PPM1H: variants seen among roughly 807,000 people sequenced by gnomAD.
PPM1H encodes protein phosphatase 1H.
Under a neutral mutation model 54.9 loss-of-function variants are expected in PPM1H, and 27 were observed. That is an observed-to-expected ratio of 0.49 (90% CI 0.36 to 0.68). The LOEUF is 0.68. Ranked by LOEUF, PPM1H falls within the 30% of genes least tolerant of loss-of-function variation. The pLI is 0.00. For synonymous variants in PPM1H, 305 were observed against 270.8 expected (o/e 1.13, Z -1.24); for missense variants, 596 against 667.8 (o/e 0.89, Z 1.19).
chr12:62,892,547 C>T (rs1870835989), intron 1 of PPM1H, among the ~76,000 whole-genome samples: 1 of 152,146 alleles, frequency 6.6e-6, no homozygotes, highest in South Asian at 2.1e-4. Context: ...CATCCTGTTG[C>T]TCTACTTCTA....
At chr12:62,843,424 A>C (rs1365900840) in intron 1 of PPM1H, among the ~76,000 whole-genome samples, 2 of 152,200 alleles carry the variant, frequency 1.3e-5, no homozygotes, top group African/African-American at 4.8e-5. Context: ...TCCTCATTTT[A>C]TTGGCCAAAT....
intron 6 of PPM1H, among the ~76,000 whole-genome samples, chr12:62,708,116 C>G (rs1004868844): frequency 2.0e-5 from 3 of 152,230 alleles, no homozygotes; most frequent in African/African-American, 7.2e-5. Context: ...TTCTGAAACA[C>G]CGCTGGCATC....
chr12:62,787,775 G>T (rs2076681546), intron 4 of PPM1H, among the ~76,000 whole-genome samples: 1 of 152,238 alleles, frequency 6.6e-6, no homozygotes. Context: ...ACCCGGACGT[G>T]AGGCAACTGC....
chr12:62,824,324 C>T (rs1445929645), intron 2 of PPM1H, among the ~76,000 whole-genome samples: 2 of 152,180 alleles, frequency 1.3e-5, no homozygotes, highest in Admixed American at 6.5e-5. Context: ...GGCCATACTG[C>T]CCAAAGTAAT....
At chr12:62,848,388 C>T (rs1427195920) in intron 1 of PPM1H, among the ~76,000 whole-genome samples, 1 of 152,072 alleles carries the variant, frequency 6.6e-6, no homozygotes, top group Non-Finnish European at 1.5e-5. Flanking sequence ...TTTATTAAAC[C>T]ACAACTTAAT....
chr12:62,821,088 G>A (rs7397483), intron 2 of PPM1H, among the ~76,000 whole-genome samples: 10,502 of 152,200 alleles, frequency 0.069, 462 homozygotes, highest in African/African-American at 0.12. Context: ...TGACCTGATG[G>A]AGCTGAAAAC....
chr12:62,845,067 T>C (rs1008794446), intron 1 of PPM1H, among the ~76,000 whole-genome samples: 2 of 152,222 alleles, frequency 1.3e-5, no homozygotes, highest in African/African-American at 4.8e-5. Flanking sequence ...TCTCACCCTA[T>C]TAACAGTTAG....
intron 9 of PPM1H, among the ~76,000 whole-genome samples, chr12:62,656,210 C>T (rs1372913106): frequency 1.3e-5 from 2 of 152,144 alleles, no homozygotes; most frequent in African/African-American, 4.8e-5. Context: ...CGTGGCTTGC[C>T]CAGGTTCCAA....
intron 8 of PPM1H, among the ~76,000 whole-genome samples, chr12:62,669,484 T>G (rs888801677): frequency 2.6e-4 from 39 of 152,072 alleles, no homozygotes; most frequent in Non-Finnish European, 4.9e-4. Flanking sequence ...GGGCCCCGAG[T>G]AGCAAGGCCA....
intron 3 of PPM1H, among the ~76,000 whole-genome samples, chr12:62,796,466 G>A (rs964602672): frequency 7.9e-5 from 12 of 152,338 alleles, no homozygotes; most frequent in African/African-American, 2.9e-4. Context: ...ATTTGCTAGA[G>A]TGGCTCACAG....
At chr12:62,910,804 A>G (rs772557) in intron 1 of PPM1H, among the ~76,000 whole-genome samples, 49,615 of 152,118 alleles carry the variant, frequency 0.33, 9,680 homozygotes, top group Non-Finnish European at 0.45. Context: ...AGACCAAGCC[A>G]TTGGAGCACC....
chr12:62,677,393 T>C (rs1320446240), intron 8 of PPM1H, among the ~76,000 whole-genome samples: 1 of 152,166 alleles, frequency 6.6e-6, no homozygotes, highest in Non-Finnish European at 1.5e-5. Flanking sequence ...GAAAGAGCCA[T>C]GGCCCTTTGG....
intron 1 of PPM1H, among the ~76,000 whole-genome samples, chr12:62,843,665 T>C (rs975159900): frequency 6.6e-6 from 1 of 152,264 alleles, no homozygotes; most frequent in Non-Finnish European, 1.5e-5. Flanking sequence ...AGCACAGTAT[T>C]ACTGCAAATG....
chr12:62,774,913 A>G (rs752148639), intron 4 of PPM1H, among the ~76,000 whole-genome samples: 1 of 152,184 alleles, frequency 6.6e-6, no homozygotes, highest in Non-Finnish European at 1.5e-5. Context: ...GCCGCCGGCT[A>G]TCTGTGGGAA....
intron 1 of PPM1H, among the ~76,000 whole-genome samples, chr12:62,906,542 C>T (rs1183475034): frequency 2.0e-5 from 3 of 152,154 alleles, no homozygotes; most frequent in Non-Finnish European, 2.9e-5. Context: ...CAAATAGTAG[C>T]AGGTGCTTCT....
intron 1 of PPM1H, among the ~76,000 whole-genome samples, chr12:62,853,060 C>T (rs1024324907): frequency 1.3e-5 from 2 of 151,610 alleles, no homozygotes; most frequent in African/African-American, 4.8e-5. Flanking sequence ...ATAAAAAGGC[C>T]ATAAAAAGAC....
At chr12:62,691,833 G>A (rs533446914) in intron 7 of PPM1H, among the ~76,000 whole-genome samples, 1 of 149,204 alleles carries the variant, frequency 6.7e-6, no homozygotes, top group East Asian at 2.0e-4. Context: ...AAAAAGTGAT[G>A]CAAAGCAAAG....
chr12:62,714,660 G>A (rs1304120350), intron 6 of PPM1H, among the ~76,000 whole-genome samples: 1 of 152,158 alleles, frequency 6.6e-6, no homozygotes, highest in Non-Finnish European at 1.5e-5. Flanking sequence ...AAGCTTGGCA[G>A]AGCAAAGTAC....
chr12:62,765,894 C>G (rs565924345), intron 4 of PPM1H, among the ~76,000 whole-genome samples: 2 of 152,318 alleles, frequency 1.3e-5, no homozygotes, highest in African/African-American at 4.8e-5. Flanking sequence ...ATTGCCAGAG[C>G]TCAGGGTATG....
Sources: gnomAD v4.1 joint callset for allele counts (sites outside exome capture counted in the v4.1 genomes callset) on GRCh38, gnomAD v4.1.1 for gene constraint, MANE v1.5 for transcripts, NCBI Gene and HGNC (gene_info 2026-07-23, HGNC 2026-07-21) for gene names.